BID: variants seen among roughly 807,000 people sequenced by gnomAD.
BID encodes BH3-interacting domain death agonist.
Under a neutral mutation model 17.4 loss-of-function variants are expected in BID, and 19 were observed. The observed-to-expected ratio is 1.09, with a 90% CI of 0.76 to 1.60. BID has a LOEUF of 1.60. Ranked by LOEUF, BID falls within the 40% of genes most tolerant of loss-of-function variation. The probability of loss-of-function intolerance (pLI) is 0.00; values close to 1 mark genes in which losing one functional copy is unlikely to be tolerated. For missense variants in BID, 226 were observed against 256.0 expected, an observed-to-expected ratio of 0.88 and a Z score of 0.80; for synonymous variants, 108 against 102.8, an observed-to-expected ratio of 1.05 and a Z score of -0.31.
At chr22:17,755,424 C>T (rs1370407999) in intron 1 of BID, among the ~76,000 whole-genome samples, 4 of 152,122 alleles carry the variant, frequency 2.6e-5, no homozygotes, top group Admixed American at 2.6e-4. Flanking sequence ...TGAAGAATGC[C>T]CAAGAATTAA....
At chr22:17,745,774 T>C (rs1273897383) in intron 2 of BID, among the ~76,000 whole-genome samples, 2 of 152,124 alleles carry the variant, frequency 1.3e-5, no homozygotes, top group Non-Finnish European at 2.9e-5. Context: ...GAGACCAGCC[T>C]GGCCAACATG....
Position 17,773,311 on chromosome 22 carries a change from C to G in BID, c.-59+1070G>C, listed in dbSNP as rs1456364799. 6.6e-6 allele frequency among the ~76,000 whole-genome samples: 1 copy of G among 152,134 alleles called. No individual in the cohort carries two copies. The highest frequency in any genetic ancestry group is 1.9e-4 in the East Asian group (1 of 5,188). On this transcript the variant is annotated intron_variant, in intron 1 of 5. Transcript: ENST00000622694. The surrounding 1 kb of genome is among the most constrained non-coding windows in gnomAD (Gnocchi z 4.4). ...GACCCCAGCTCAGGGAATCTGGTCT[C>G]GGTCATCACTCCCAGGGGACTGCAG...
At chr22:17,761,940 C>T (rs567288924) in intron 1 of BID, among the ~76,000 whole-genome samples, 1 of 152,206 alleles carries the variant, frequency 6.6e-6, no homozygotes, top group East Asian at 1.9e-4. Flanking sequence ...ACTGGTAAAT[C>T]GCTTTAGGAG....
At chr22:17,770,751 T>C (rs1331073093) in intron 1 of BID, among the ~76,000 whole-genome samples, 1 of 152,204 alleles carries the variant, frequency 6.6e-6, no homozygotes, top group Non-Finnish European at 1.5e-5. Context: ...ACACTTTCCT[T>C]CCTCTGAAGA....
intron 1 of BID, among the ~76,000 whole-genome samples, chr22:17,754,786 C>T (rs1379184565): frequency 6.6e-6 from 1 of 152,088 alleles, no homozygotes; most frequent in African/African-American, 2.4e-5. Flanking sequence ...TTTTTGGAGA[C>T]AGAGTCTCAC....
intron 1 of BID, among the ~76,000 whole-genome samples, chr22:17,767,966 G>T (rs2061690499): frequency 6.6e-6 from 1 of 152,210 alleles, no homozygotes; most frequent in Admixed American, 6.5e-5. Flanking sequence ...GACACCTACT[G>T]TAACATGAGT....
At chr22:17,736,457 C>CAA (rs10559377) in intron 5 of BID, among the ~76,000 whole-genome samples, 29 of 136,480 alleles carry the variant, frequency 2.1e-4, no homozygotes, top group African/African-American at 7.4e-4. Flanking sequence ...AATTCTGTCT[C>CAA]AAAAAAAAAA....
intron 1 of BID, among the ~76,000 whole-genome samples, chr22:17,751,474 T>TGTGCGC (rs201482241): frequency 6.6e-6 from 1 of 151,970 alleles, no homozygotes; most frequent in African/African-American, 2.4e-5. Context: ...TGTGTGTGTG[T>TGTGCGC]GCGTGTGTGT....
chr22:17,749,177 T>G (rs1298560325), intron 2 of BID, among the ~76,000 whole-genome samples: 1 of 152,058 alleles, frequency 6.6e-6, no homozygotes, highest in East Asian at 1.9e-4. Context: ...GCTGCAGAAT[T>G]CGGCAGGAGG....
intron 2 of BID, among the ~76,000 whole-genome samples, chr22:17,745,029 C>T (rs555681771): frequency 6.6e-6 from 1 of 152,248 alleles, no homozygotes; most frequent in South Asian, 2.1e-4. Flanking sequence ...GAGGACAGTT[C>T]TTACAGGGCA....
intron 5 of BID, among the ~76,000 whole-genome samples, chr22:17,736,269 T>C (rs191212428): frequency 8.5e-5 from 13 of 152,098 alleles, no homozygotes; most frequent in Admixed American, 5.9e-4. Flanking sequence ...GAGACCAGCC[T>C]AACATGGGAG....
Position 17,773,945 on chromosome 22 carries a change from C to T in BID, c.-59+436G>A, listed in dbSNP as rs552366799. ...GCAGGTGTCTGCGGTGCTGGAAAGA[C>T]CACGGTGTGGGCGGGGATTCCGATC... On this transcript the variant is annotated intron_variant, in intron 1 of 5. Coordinates refer to ENST00000622694, the MANE Select transcript of BID (RefSeq NM_001196.4). The surrounding 1 kb of genome is among the most constrained non-coding windows in gnomAD (Gnocchi z 4.4). 34 of 550,858 alleles carry T rather than the reference C, an allele frequency of 6.2e-5. No individual in the cohort carries two copies. The South Asian group carries it at 6.8e-4, about 11-fold the overall frequency. The allele number at this position is 550,858 out of a possible 1,614,324, so 34.1% of individuals were successfully genotyped here. A position where few individuals can be genotyped will look rare whatever the true frequency, so the allele number is the denominator to read the frequency against.
chr22:17,769,307 C>G lies in BID; in HGVS notation c.-59+5074G>C, dbSNP rs1040393158. ...TACACGGGTGACCCTTCCACAAAGG[C>G]CCCTAGCTGGGCTCCCTGCTCAGTT... On this transcript the variant is annotated intron_variant, in intron 1 of 5. Coordinates refer to ENST00000622694, the MANE Select transcript of BID (RefSeq NM_001196.4). The surrounding 1 kb of genome is among the most constrained non-coding windows in gnomAD (Gnocchi z 4.8). Among the ~76,000 whole-genome samples, 1 of 152,232 alleles carries G rather than the reference C, an allele frequency of 6.6e-6. No homozygotes were observed. Among genetic ancestry groups the G allele is most frequent in the South Asian group, 2.1e-4 (1 of 4,830 alleles).
At chr22:17,738,666 G>A (rs1254621583) in intron 4 of BID, among the ~76,000 whole-genome samples, 1 of 152,126 alleles carries the variant, frequency 6.6e-6, no homozygotes, top group Non-Finnish European at 1.5e-5. Context: ...CGCACATGCA[G>A]AGTTACATGG....
Position 17,774,005 on chromosome 22 carries a change from G to C in BID, c.-59+376C>G, listed in dbSNP as rs1365190167. On this transcript the variant is annotated intron_variant, in intron 1 of 5. Coordinates refer to ENST00000622694, the MANE Select transcript of BID (RefSeq NM_001196.4). ...GGGTGGCCTGCACCCGGCCAGGCCC[G>C]CGGGTTTTCTCCTCTCCGGGGCTGG... The C allele has an allele frequency of 8.5e-6, 4 of 470,764 alleles. No individual in the cohort carries two copies. The East Asian group carries it at 1.2e-4, about 15-fold the overall frequency. The allele number at this position is 470,764 out of a possible 1,614,324, so 29.2% of individuals were successfully genotyped here.
intron 1 of BID, among the ~76,000 whole-genome samples, chr22:17,752,342 G>A (rs3788282): frequency 0.014 from 2,111 of 152,262 alleles, 68 homozygotes; most frequent in East Asian, 0.11. Context: ...CGGCTCATCA[G>A]CTCAAACCCA....
chr22:17,748,909 C>G (rs1001011813), intron 2 of BID, among the ~76,000 whole-genome samples: 1 of 152,230 alleles, frequency 6.6e-6, no homozygotes. Context: ...GGATCAGGGC[C>G]GGGGGAGCTC....
rs192638684 is a variant in BID, at chr22:17,771,949, C to G, written c.-59+2432G>C. Among the ~76,000 whole-genome samples, 8 of 152,356 alleles carry G rather than the reference C, an allele frequency of 5.3e-5. No individual in the cohort carries two copies. In the East Asian group the frequency reaches 1.2e-3, roughly 22 times the overall value. The stretch of plus-strand genomic sequence containing the variant: ...AGGCCACAGAAAGGCTCCTTACCCC[C>G]AGTGGCCTAACAGGTGTGACATGTG... On this transcript the variant is annotated intron_variant, in intron 1 of 5. Coordinates refer to ENST00000622694, the MANE Select transcript of BID (RefSeq NM_001196.4).
In BID at chr22:17,740,130, C is replaced by T. The variant is rs374122732; in HGVS notation, c.224-642G>A. 2.0e-5 allele frequency: 33 copies of T among 1,612,098 alleles called. No individual in the cohort carries two copies. In the East Asian group the frequency reaches 4.9e-4, roughly 24 times the overall value. The stretch of plus-strand genomic sequence containing the variant: ...CACGCTCAACTGCCACGCTCCCTGC[C>T]GCCTCCGTTTCTTCCTCAGCACTTG... On this transcript the variant is annotated intron_variant, in intron 3 of 5. Transcript: ENST00000622694.
Sources: allele counts gnomAD v4.1 joint callset (sites outside exome capture counted in the v4.1 genomes callset), GRCh38; gene constraint gnomAD v4.1.1; non-coding constraint Gnocchi (gnomAD v3.1); transcripts MANE v1.5; gene names NCBI Gene and HGNC (gene_info 2026-07-23, HGNC 2026-07-21).